The following ANKRD28 variants were observed in gnomAD, a reference collection of about 807,000 sequenced individuals.
The protein encoded by ANKRD28 is ankyrin repeat domain 28, also known as serine/threonine-protein phosphatase 6 regulatory ankyrin repeat subunit A.
A neutral mutation model predicts 126.5 loss-of-function variants in ANKRD28; 44 were observed. That is an observed-to-expected ratio of 0.35 (90% CI 0.27 to 0.45). The LOEUF is 0.45. Ranked by LOEUF, ANKRD28 falls within the 20% of genes least tolerant of loss-of-function variation. The probability of loss-of-function intolerance (pLI) is 1.00; values close to 1 mark genes in which losing one functional copy is unlikely to be tolerated. For missense variants in ANKRD28, 1,110 were observed against 1,316.6 expected, an observed-to-expected ratio of 0.84 and a Z score of 2.43; for synonymous variants, 442 against 468.5, an observed-to-expected ratio of 0.94 and a Z score of 0.73.
chr3:15,749,143 G>A (rs1398986334), intron 4 of ANKRD28, among the ~76,000 whole-genome samples: 44 of 122,194 alleles, frequency 3.6e-4, no homozygotes, highest in African/African-American at 1.1e-3. Context: ...TCGCTCTGTC[G>A]CCCAGGCCGG....
intron 2 of ANKRD28, among the ~76,000 whole-genome samples, chr3:15,788,658 C>T (rs1328483751): frequency 6.6e-6 from 1 of 152,026 alleles, no homozygotes; most frequent in Admixed American, 6.6e-5. Context: ...TCAAAGTTTT[C>T]CTCTAAAATG....
At position 15,796,536 on chromosome 3, in the gene ANKRD28, C is replaced by T. The variant is rs1163892661; in HGVS notation, c.-15G>A. The T allele has an allele frequency of 3.1e-6, 4 of 1,275,898 alleles. No homozygotes were observed. In the African/African-American group the frequency reaches 6.1e-5, roughly 20 times the overall value. The allele number at this position is 1,275,898 out of a possible 1,614,324, so 79.0% of individuals were successfully genotyped here. On this transcript the variant is annotated 5_prime_UTR_variant, in exon 1 of 28. Coordinates refer to ENST00000683139, the MANE Select transcript of ANKRD28 (RefSeq NM_001349278.2). ...ACTCGACTCATTCGATCTTTTAAAA[C>T]ACTAAATTCCAAGCTATGTGATAAA...
chr3:15,681,783 C>T (rs2125712478), intron 21 of ANKRD28, among the ~76,000 whole-genome samples: 1 of 152,210 alleles, frequency 6.6e-6, no homozygotes, highest in Non-Finnish European at 1.5e-5. Flanking sequence ...GTGGCAATGC[C>T]TACAGACATT....
chr3:15,780,060 G>T (rs974095635), intron 2 of ANKRD28, among the ~76,000 whole-genome samples: 6 of 152,134 alleles, frequency 3.9e-5, no homozygotes, highest in South Asian at 2.1e-4. Context: ...CCATAGTGCT[G>T]CAAGTCCTAG....
chr3:15,739,425 T>C (rs2075284308), intron 4 of ANKRD28, among the ~76,000 whole-genome samples: 1 of 152,198 alleles, frequency 6.6e-6, no homozygotes, highest in Non-Finnish European at 1.5e-5. Context: ...GGTCCCTGAC[T>C]TCCCGCAACA....
intron 2 of ANKRD28, among the ~76,000 whole-genome samples, chr3:15,771,808 T>A (rs1041238389): frequency 6.6e-6 from 1 of 152,136 alleles, no homozygotes; most frequent in Non-Finnish European, 1.5e-5. Context: ...AACCAAACCT[T>A]AACACATTAA....
chr3:15,775,398 G>T (rs965271949), intron 2 of ANKRD28, among the ~76,000 whole-genome samples: 26 of 152,168 alleles, frequency 1.7e-4, no homozygotes, highest in African/African-American at 6.3e-4. Context: ...TTCCCCGGAG[G>T]ACACCAGCTG....
intron 26 of ANKRD28, 59 bp from the exon 27 acceptor site, chr3:15,676,048 C>T (rs1243421460): frequency 2.9e-6 from 4 of 1,386,788 alleles, no homozygotes; most frequent in African/African-American, 1.4e-5. Context: ...CATACACATA[C>T]ACACCTGGCT....
intron 4 of ANKRD28, among the ~76,000 whole-genome samples, chr3:15,746,218 G>A (rs570129268): frequency 6.9e-4 from 105 of 152,124 alleles, no homozygotes; most frequent in African/African-American, 2.5e-3. Flanking sequence ...CTTGTCTGAT[G>A]TCTCTGGCTA....
intron 6 of ANKRD28, among the ~76,000 whole-genome samples, chr3:15,729,802 C>T (rs1252583004): frequency 6.6e-6 from 1 of 152,042 alleles, no homozygotes; most frequent in South Asian, 2.1e-4. Flanking sequence ...CAGCCTCTTT[C>T]CCCCCATTTT....
chr3:15,767,869 C>CAG (rs1037779636), intron 2 of ANKRD28, among the ~76,000 whole-genome samples: 1 of 151,788 alleles, frequency 6.6e-6, no homozygotes, highest in Admixed American at 6.6e-5. Context: ...GCCTGGATGA[C>CAG]AGAGAGAGAC....
chr3:15,780,374 A>G (rs1401236561), intron 2 of ANKRD28, among the ~76,000 whole-genome samples: 1 of 152,186 alleles, frequency 6.6e-6, no homozygotes. Flanking sequence ...CAGGTAAAAG[A>G]TCTGTATACT....
intron 25 of ANKRD28, among the ~76,000 whole-genome samples, 156 bp from the exon 26 acceptor site, chr3:15,677,212 T>C (rs2067032378): frequency 6.6e-6 from 1 of 152,072 alleles, no homozygotes; most frequent in African/African-American, 2.4e-5. Context: ...CCCAAACACA[T>C]CTTGGGAGTG....
intron 1 of ANKRD28, among the ~76,000 whole-genome samples, chr3:15,804,016 T>C (rs2060522896): frequency 6.9e-6 from 1 of 145,430 alleles, no homozygotes; most frequent in Non-Finnish European, 1.5e-5. Context: ...ACTGAAATTA[T>C]CTAAAAGTCT....
chr3:15,805,416 T>C (rs2060556967), intron 1 of ANKRD28, among the ~76,000 whole-genome samples: 1 of 152,204 alleles, frequency 6.6e-6, no homozygotes, highest in African/African-American at 2.4e-5. Flanking sequence ...GTGATACTTT[T>C]TAAAATATCC....
chr3:15,829,636 G>A (rs1219570953), intron 1 of ANKRD28, among the ~76,000 whole-genome samples: 1 of 151,948 alleles, frequency 6.6e-6, no homozygotes, highest in Non-Finnish European at 1.5e-5. Context: ...TTACTGACAC[G>A]TTTCATGATA....
At chr3:15,711,346 C>T (rs1334088566) in intron 11 of ANKRD28, 72 bp from the exon 12 acceptor site, 2 of 1,290,140 alleles carry the variant, frequency 1.6e-6, no homozygotes, top group African/African-American at 1.5e-5. Context: ...CATGAAACAT[C>T]AAGAATCACA....
intron 1 of ANKRD28, among the ~76,000 whole-genome samples, chr3:15,803,802 A>G (rs1471470525): frequency 7.0e-6 from 1 of 143,848 alleles, no homozygotes; most frequent in Non-Finnish European, 1.5e-5. Context: ...ACAATGAAGA[A>G]TGTTACTTGT....
chr3:15,706,594 G>A (rs1325052871), intron 14 of ANKRD28, among the ~76,000 whole-genome samples: 1 of 151,904 alleles, frequency 6.6e-6, no homozygotes, highest in Non-Finnish European at 1.5e-5. Flanking sequence ...TAATCCTTTG[G>A]GTATATACCC....
Sources: allele counts gnomAD v4.1 joint callset (sites outside exome capture counted in the v4.1 genomes callset), GRCh38; gene constraint gnomAD v4.1.1; transcripts MANE v1.5; gene names NCBI Gene and HGNC (gene_info 2026-07-23, HGNC 2026-07-21).